AKAP12: variants seen among roughly 807,000 people sequenced by gnomAD.
The protein encoded by AKAP12 is A-kinase anchor protein 12.
Under a neutral mutation model 79.9 loss-of-function variants are expected in AKAP12, and 32 were observed. The ratio of observed to expected loss-of-function variants is 0.40; its 90% confidence interval spans 0.30 to 0.54. The LOEUF is 0.54. Among genes scored for constraint, AKAP12 ranks in the 20% least tolerant of loss-of-function variants. The pLI, the probability that AKAP12 is intolerant of heterozygous loss-of-function variation, is 0.48. For missense variants in AKAP12, 2,074 were observed against 2,177.0 expected (o/e 0.95, Z 0.94); for synonymous variants, 808 against 857.0 (o/e 0.94, Z 1.00).
chr6:151,320,600 C>T (rs1207923010), intron 3 of AKAP12, among the ~76,000 whole-genome samples: 1 of 152,178 alleles, frequency 6.6e-6, no homozygotes, highest in Non-Finnish European at 1.5e-5. Flanking sequence ...GGACATCATT[C>T]CGTTCGGGTG....
In AKAP12 at chr6:151,240,696, C is replaced by A. The variant is rs1414069668; in HGVS notation, c.134C>A (p.Ala45Asp). 17 of 1,280,102 alleles carry A rather than the reference C, an allele frequency of 1.3e-5. No homozygotes were observed. The highest frequency in any genetic ancestry group is 2.6e-5 in the South Asian group (1 of 38,492). The allele number at this position is 1,280,102 out of a possible 1,614,324, so 79.3% of individuals were successfully genotyped here. A position where few individuals can be genotyped will look rare whatever the true frequency, so the allele number is the denominator to read the frequency against. ...GCGCCAGACACCACCGCGGACCCCG[C>A]CATCGCTGCCTCGGACCCCGCCACC... ...EAAPDTTADP[A>D]IAASDPATKL... The change falls in exon 2 of 5, where the codon GCC becomes GAC. Residue 45 changes from alanine to aspartate, a missense_variant. Physicochemically the swap from Ala to Asp is moderately radical, Grantham distance 126. Transcript: ENST00000402676.
Position 151,351,219 on chromosome 6 carries a change from C to CAGA in AKAP12, c.2836_2838dup (p.Glu946dup). ...GAGGTATTGGAAAGAGAAGTAATTG[C>CAGA]AGAAGAAGAACCCCCCACGGTTACT... is the stretch of plus-strand genomic sequence containing the variant. On this transcript the variant is annotated inframe_insertion, in exon 4 of 5. Transcript: ENST00000402676. This position sits in a 1 kb window ranked among gnomAD's most constrained non-coding sequence, Gnocchi z 4.4. 1 of 1,614,198 alleles carries CAGA rather than the reference C, an allele frequency of 6.2e-7. No homozygotes were observed. Among genetic ancestry groups the CAGA allele is most frequent in the Non-Finnish European group, 8.5e-7 (1 of 1,180,044 alleles).
intron 2 of AKAP12, among the ~76,000 whole-genome samples, chr6:151,244,120 C>G (rs912474889): frequency 6.6e-6 from 1 of 152,148 alleles, no homozygotes; most frequent in Non-Finnish European, 1.5e-5. Context: ...CTCTTGTTAG[C>G]TCCATTTGAT....
intron 3 of AKAP12, among the ~76,000 whole-genome samples, chr6:151,332,033 G>GTTTTTTTTTTTTTTTTT (rs71014573): frequency 1.3e-5 from 1 of 79,690 alleles, no homozygotes; most frequent in African/African-American, 5.4e-5. Flanking sequence ...TTCTGGGTCT[G>GTTTTTTTTTTTTTTTTT]TTTTTTTTTT....
chr6:151,330,859 T>C (rs1199764982), intron 3 of AKAP12, among the ~76,000 whole-genome samples: 8 of 152,134 alleles, frequency 5.3e-5, no homozygotes. Context: ...GTCTCTACAT[T>C]ATATGGAGCT....
Position 151,358,507 on chromosome 6 carries a change from T to C in AKAP12, c.*2793T>C, listed in dbSNP as rs1431182270. The C allele has an allele frequency of 6.6e-6, 1 of 152,240 alleles. No homozygotes were observed. The highest frequency in any genetic ancestry group is 1.9e-4 in the East Asian group (1 of 5,200). The allele number at this position is 152,240 out of a possible 1,614,324, so 9.4% of individuals were successfully genotyped here. A position where few individuals can be genotyped will look rare whatever the true frequency, so the allele number is the denominator to read the frequency against. Reference sequence around the variant, plus strand: ...TAGTTCTGTTTGGGGCAAATTTTCATTTATCTAAATAAAATGCAATCTAAT... The same window carrying C: ...TAGTTCTGTTTGGGGCAAATTTTCACTTATCTAAATAAAATGCAATCTAAT... On this transcript the variant is annotated 3_prime_UTR_variant, in exon 5 of 5. Coordinates refer to ENST00000402676, the MANE Select transcript of AKAP12 (RefSeq NM_005100.4).
At chr6:151,308,378 A>G (rs1777020444) in intron 3 of AKAP12, among the ~76,000 whole-genome samples, 2 of 151,778 alleles carry the variant, frequency 1.3e-5, no homozygotes, top group East Asian at 1.9e-4. Flanking sequence ...ATGCCCAGCT[A>G]ACTTTTGTAT....
chr6:151,276,142 T>G, intron 2 of AKAP12, among the ~76,000 whole-genome samples: 1 of 152,222 alleles, frequency 6.6e-6, no homozygotes, highest in East Asian at 1.9e-4. Flanking sequence ...AAGGAGACCT[T>G]GAAATGCAAT....
At chr6:151,287,158 C>T (rs1776522408) in intron 2 of AKAP12, among the ~76,000 whole-genome samples, 1 of 152,122 alleles carries the variant, frequency 6.6e-6, no homozygotes, top group Non-Finnish European at 1.5e-5. Context: ...CCAGGATGGT[C>T]TCGATCTCCT....
At chr6:151,305,976 T>G (rs997279700) in intron 3 of AKAP12, 73 bp downstream of exon 3, 1 of 1,456,458 alleles carries the variant, frequency 6.9e-7, no homozygotes, top group Non-Finnish European at 9.3e-7. Context: ...GAAAATACTC[T>G]GTCATACTGC....
rs556545478 is a variant in AKAP12 at position 151,354,676 on chromosome 6, CTTTGT to C, written c.*12+933_*12+937del. Among the ~76,000 whole-genome samples the C allele has an allele frequency of 3.9e-3, 586 of 151,852 alleles. 5 individuals carry two copies. Among genetic ancestry groups the C allele is most frequent in the African/African-American group, 0.013 (530 of 41,404 alleles). Reference sequence around the variant, plus strand: ...TGTGAGCCACCACGCCCAGCCCTATCTTTGTTTTGTTTTTTGAGAGAGCCTTGCTG... The same window carrying C: ...TGTGAGCCACCACGCCCAGCCCTATCTTTGTTTTTTGAGAGAGCCTTGCTG... On this transcript the variant is annotated intron_variant, in intron 4 of 4. Transcript: ENST00000402676.
intron 2 of AKAP12, among the ~76,000 whole-genome samples, chr6:151,259,444 G>T (rs1223964065): frequency 7.7e-5 from 11 of 142,214 alleles, no homozygotes; most frequent in Non-Finnish European, 7.6e-5. Flanking sequence ...GTATATATGT[G>T]TATATATATA....
intron 2 of AKAP12, among the ~76,000 whole-genome samples, chr6:151,289,544 A>C (rs2347434): frequency 0.35 from 52,973 of 152,228 alleles, 9,600 homozygotes; most frequent in East Asian, 0.61. Context: ...TCTCGTACAT[A>C]GTCACTTCTT....
In AKAP12 at chr6:151,344,903, G is replaced by A. The variant is rs561764955; in HGVS notation, c.320-3808G>A. 2.0e-5 allele frequency among the ~76,000 whole-genome samples: 3 copies of A among 152,184 alleles called. No homozygotes were observed. The Middle Eastern group carries it at 0.01, about 518-fold the overall frequency. On this transcript the variant is annotated intron_variant, in intron 3 of 4. Coordinates refer to ENST00000402676, the MANE Select transcript of AKAP12 (RefSeq NM_005100.4). ...CAAATAAGTAGTATGATGGCAATTT[G>A]TAGACATAGATTTGTAATATTTCAT...
chr6:151,266,531 C>T lies in AKAP12; in HGVS notation c.162+25807C>T, dbSNP rs1185608899. ...AACACCCTGATGAAATGCATCAATTCCTGTGCATTTTAGAAGATCGAATTA... is the reference window on the plus strand; with the variant it reads ...AACACCCTGATGAAATGCATCAATTTCTGTGCATTTTAGAAGATCGAATTA... On this transcript the variant is annotated intron_variant, in intron 2 of 4. Coordinates refer to ENST00000402676, the MANE Select transcript of AKAP12 (RefSeq NM_005100.4). Among the ~76,000 whole-genome samples, 4 of 152,154 alleles carry T rather than the reference C, an allele frequency of 2.6e-5. No homozygotes were observed. The East Asian group carries it at 7.7e-4, about 29-fold the overall frequency.
At position 151,350,764 on chromosome 6, in the gene AKAP12, T is replaced by C. The variant is rs750217426; in HGVS notation, c.2373T>C (p.His791=). ...EDSIAGSGVE[H]STPDTEPGKE... Reference sequence around the variant, plus strand: ...CCATAGCTGGGTCTGGTGTAGAACATTCCACTCCAGACACTGAACCCGGTA... The same window carrying C: ...CCATAGCTGGGTCTGGTGTAGAACACTCCACTCCAGACACTGAACCCGGTA... Residue 791 remains histidine (H), a synonymous_variant, in exon 4 of 5, where the codon CAT becomes CAC. Coordinates refer to ENST00000402676, the MANE Select transcript of AKAP12 (RefSeq NM_005100.4). This position sits in a 1 kb window ranked among gnomAD's most constrained non-coding sequence, Gnocchi z 4.8. 4 of 1,613,908 alleles carry C rather than the reference T, an allele frequency of 2.5e-6. No homozygotes were observed. Among genetic ancestry groups the C allele is most frequent in the Non-Finnish European group, 8.5e-7 (1 of 1,179,958 alleles).
At chr6:151,322,958 G>A (rs1299103569) in intron 3 of AKAP12, among the ~76,000 whole-genome samples, 1 of 152,158 alleles carries the variant, frequency 6.6e-6, no homozygotes, top group South Asian at 2.1e-4. Flanking sequence ...CTTGCTTTGG[G>A]TGGTGATGTC....
chr6:151,246,435 CAA>C (rs1434502183), intron 2 of AKAP12, among the ~76,000 whole-genome samples: 2 of 152,134 alleles, frequency 1.3e-5, no homozygotes, highest in African/African-American at 4.8e-5. Flanking sequence ...AAAACAAAAA[CAA>C]AAACAAAAAA....
At chr6:151,297,019 G>GTTTTTTTTTTTTTTT in intron 2 of AKAP12, among the ~76,000 whole-genome samples, 1 of 127,656 alleles carries the variant, frequency 7.8e-6, no homozygotes, top group Non-Finnish European at 1.7e-5. Context: ...AAATAAAAGG[G>GTTTTTTTTTTTTTTT]TTTTTTTTTT....
Sources: allele counts gnomAD v4.1 joint callset (sites outside exome capture counted in the v4.1 genomes callset), GRCh38; gene constraint gnomAD v4.1.1; non-coding constraint Gnocchi (gnomAD v3.1); transcripts MANE v1.5; gene names NCBI Gene and HGNC (gene_info 2026-07-23, HGNC 2026-07-21).